The following MLIP variants were observed in gnomAD, a reference collection of about 807,000 sequenced individuals.
The protein encoded by MLIP is muscular LMNA-interacting protein.
A neutral mutation model predicts 84.8 loss-of-function variants in MLIP; 79 were observed. The ratio of observed to expected loss-of-function variants is 0.93; its 90% CI spans 0.78 to 1.12. MLIP has a LOEUF of 1.12. Ranked by LOEUF, MLIP falls within the 50% of genes most tolerant of loss-of-function variation. MLIP has a pLI of 0.00. For missense variants in MLIP, 1,257 were observed against 1,160.6 expected (o/e 1.08, Z -1.21); for synonymous variants, 504 against 463.0 (o/e 1.09, Z -1.14).
intron 10 of MLIP, among the ~76,000 whole-genome samples, chr6:54,196,531 C>T (rs1488554301): frequency 1.3e-5 from 2 of 152,058 alleles, no homozygotes; most frequent in Non-Finnish European, 2.9e-5. Flanking sequence ...CTTTTTATGG[C>T]TTCATAGTAT....
intron 12 of MLIP, among the ~76,000 whole-genome samples, chr6:54,247,608 G>T (rs1389772095): frequency 6.6e-6 from 1 of 152,180 alleles, no homozygotes; most frequent in Non-Finnish European, 1.5e-5. Flanking sequence ...ACACAACTTT[G>T]AAGTGTAGTT....
intron 8 of MLIP, among the ~76,000 whole-genome samples, chr6:54,164,715 T>C (rs1382246291): frequency 1.3e-5 from 2 of 151,994 alleles, no homozygotes; most frequent in East Asian, 1.9e-4. Context: ...TGTAATTATA[T>C]AGTCTGTAGT....
chr6:54,116,221 G>T (rs545929816), intron 1 of MLIP, among the ~76,000 whole-genome samples: 12 of 152,214 alleles, frequency 7.9e-5, no homozygotes, highest in Admixed American at 2.6e-4. Flanking sequence ...ACTTGCCAGG[G>T]CATGTCATAT....
chr6:54,051,908 G>A (rs1022713712), intron 1 of MLIP, among the ~76,000 whole-genome samples: 4 of 152,192 alleles, frequency 2.6e-5, no homozygotes, highest in Non-Finnish European at 5.9e-5. Context: ...AATTCAAATT[G>A]CCTTTTAAAA....
chr6:54,266,136 C>A lies in MLIP; in HGVS notation c.*181C>A. On this transcript the variant is annotated 3_prime_UTR_variant, in exon 14 of 14. Transcript: ENST00000502396. The stretch of plus-strand genomic sequence containing the variant: ...ATATAGCATCACAGTGCTCTGCTAA[C>A]AGCCAGCATAGAAGAGATTTACCTA... The A allele has an allele frequency of 1.6e-6, 1 of 623,528 alleles. No homozygotes were observed. Among genetic ancestry groups the A allele is most frequent in the Non-Finnish European group, 2.9e-6 (1 of 348,214 alleles). The allele number at this position is 623,528 out of a possible 1,614,324, so 38.6% of individuals were successfully genotyped here. A position where few individuals can be genotyped will look rare whatever the true frequency, so the allele number is the denominator to read the frequency against.
chr6:54,190,305 CACACAGG>C (rs1305376520), intron 10 of MLIP, among the ~76,000 whole-genome samples: 1 of 152,064 alleles, frequency 6.6e-6, no homozygotes, highest in African/African-American at 2.4e-5. Flanking sequence ...ATAGATATGT[CACACAGG>C]AGAATTAGCA....
At chr6:54,132,239 A>G (rs775814290) in intron 3 of MLIP, among the ~76,000 whole-genome samples, 23 of 152,198 alleles carry the variant, frequency 1.5e-4, no homozygotes, top group African/African-American at 3.6e-4. Context: ...ATTCACCACA[A>G]TGATATTTAT....
intron 1 of MLIP, among the ~76,000 whole-genome samples, chr6:54,056,924 G>A (rs1410029348): frequency 1.3e-5 from 2 of 152,128 alleles, no homozygotes; most frequent in Non-Finnish European, 2.9e-5. Context: ...ATGTTCTAAG[G>A]TAGTAGGGTT....
At chr6:54,169,837 C>A (rs1775592456) in intron 9 of MLIP, among the ~76,000 whole-genome samples, 2 of 151,590 alleles carry the variant, frequency 1.3e-5, no homozygotes. Context: ...TCCTGATTTT[C>A]TAGTTATCAA....
At chr6:54,117,510 G>A (rs960284409) in intron 1 of MLIP, among the ~76,000 whole-genome samples, 42 of 151,390 alleles carry the variant, frequency 2.8e-4, no homozygotes, top group East Asian at 9.9e-4. Context: ...CACCGTGCCC[G>A]GCCCACTCTC....
rs937586304 is a variant in MLIP at position 54,137,291 on chromosome 6, T to C, written c.1222T>C (p.Ser408Pro). The C allele has an allele frequency of 6.5e-7, 1 of 1,535,972 alleles. No individual in the cohort carries two copies. The change falls in exon 4 of 14, where the codon TCC becomes CCC. Residue 408 changes from serine to proline, a missense_variant. By Grantham distance (74) the Ser-to-Pro change is moderately conservative. Coordinates refer to ENST00000502396, the MANE Select transcript of MLIP (RefSeq NM_001281747.2). Reference protein sequence around the residue: ...SGNLSKSGVKSPVPSRLALLT... With the variant: ...SGNLSKSGVKPPVPSRLALLT... ...AAATCTTTCAAAGTCAGGGGTAAAATCCCCGGTGCCTTCCCGGCTTGCCCT... is the reference window on the plus strand; with the variant it reads ...AAATCTTTCAAAGTCAGGGGTAAAACCCCCGGTGCCTTCCCGGCTTGCCCT...
chr6:54,116,480 A>T (rs1248015659), intron 1 of MLIP, among the ~76,000 whole-genome samples: 1 of 152,218 alleles, frequency 6.6e-6, no homozygotes, highest in Non-Finnish European at 1.5e-5. Flanking sequence ...ATATACCAAA[A>T]AATTGGATAA....
At chr6:54,107,845 T>A (rs2150400181), upstream of MLIP, among the ~76,000 whole-genome samples, 1 of 152,354 alleles carries the variant, frequency 6.6e-6, no homozygotes, top group South Asian at 2.1e-4. Flanking sequence ...GGACTTCTGG[T>A]ACCTTCTGTT....
At chr6:54,166,692 A>G (rs959536327) in intron 8 of MLIP, among the ~76,000 whole-genome samples, 3 of 151,818 alleles carry the variant, frequency 2.0e-5, no homozygotes, top group African/African-American at 7.3e-5. Context: ...TCCTCTCTAT[A>G]TTCATTCCTT....
chr6:54,255,736 G>C (rs953128289), intron 12 of MLIP, among the ~76,000 whole-genome samples: 1 of 152,086 alleles, frequency 6.6e-6, no homozygotes, highest in Admixed American at 6.6e-5. Flanking sequence ...ATAATGACTC[G>C]ATTGCTTTTC....
At chr6:54,037,360 C>A (rs995330908) in intron 1 of MLIP, among the ~76,000 whole-genome samples, 1 of 151,758 alleles carries the variant, frequency 6.6e-6, no homozygotes, top group African/African-American at 2.4e-5. Flanking sequence ...CAAATAAGTC[C>A]ATATATGGGA....
At chr6:54,154,044 G>A (rs1248374095) in intron 5 of MLIP, among the ~76,000 whole-genome samples, 1 of 151,932 alleles carries the variant, frequency 6.6e-6, no homozygotes, top group Non-Finnish European at 1.5e-5. Context: ...TCGGGTAGTT[G>A]TCTACTATGT....
intron 9 of MLIP, among the ~76,000 whole-genome samples, chr6:54,184,704 A>T (rs1356245286): frequency 3.3e-5 from 5 of 151,862 alleles, no homozygotes; most frequent in Admixed American, 3.3e-4. Flanking sequence ...TTTGAAATAA[A>T]TTTTTTTTAC....
chr6:54,133,141 G>A (rs957895346), intron 3 of MLIP, among the ~76,000 whole-genome samples: 1 of 152,136 alleles, frequency 6.6e-6, no homozygotes, highest in Non-Finnish European at 1.5e-5. Context: ...CAAGAGAGGG[G>A]CTTCGTCATG....
Sources: gnomAD v4.1 joint callset for allele counts (sites outside exome capture counted in the v4.1 genomes callset) on GRCh38, gnomAD v4.1.1 for gene constraint, MANE v1.5 for transcripts, NCBI Gene and HGNC (gene_info 2026-07-23, HGNC 2026-07-21) for gene names.